The following ELP2 variants were observed in gnomAD, a reference collection of about 807,000 sequenced individuals.
ELP2 encodes the protein elongator acetyltransferase complex subunit 2, also known as elongator complex protein 2.
In ELP2, 90 loss-of-function variants were observed where a neutral mutation model predicts 119.2. The ratio of observed to expected loss-of-function variants is 0.75; its 90% CI spans 0.64 to 0.90. ELP2 has a LOEUF of 0.90. ELP2 is among the 40% of genes least tolerant of loss of function. The pLI, the probability that ELP2 is intolerant of heterozygous loss-of-function variation, is 0.00. For synonymous variants in ELP2, 339 were observed against 331.0 expected (o/e 1.02, Z -0.26); for missense variants, 921 against 967.8 (o/e 0.95, Z 0.64).
intron 3 of ELP2, among the ~76,000 whole-genome samples, chr18:36,137,914 A>T (rs1415982002): frequency 6.6e-6 from 1 of 152,050 alleles, no homozygotes; most frequent in Non-Finnish European, 1.5e-5. Context: ...AACTGAAATG[A>T]TGTGCCTCCT....
chr18:36,166,316 A>AG (rs2090895995), intron 18 of ELP2, among the ~76,000 whole-genome samples: 5 of 99,162 alleles, frequency 5.0e-5, no homozygotes, highest in South Asian at 3.6e-4. Flanking sequence ...TTTGTTTTTT[A>AG]GGGTTTTTTT....
At chr18:36,133,989 G>A (rs959596000) in intron 2 of ELP2, among the ~76,000 whole-genome samples, 3 of 134,434 alleles carry the variant, frequency 2.2e-5, no homozygotes, top group Admixed American at 8.6e-5. Context: ...GGCTCACTGC[G>A]AGCTCCGCCT....
rs370651899 is a variant in ELP2, at chr18:36,138,398, T to C, written c.417T>C (p.Val139=). The change falls in exon 4 of 22, where the codon GTT becomes GTC. Residue 139 remains valine (V), a synonymous_variant. Transcript: ENST00000358232. ...TTTCTGCAGCTGCAGATTCTGCTGTTCGACTCTGGTCTAAAAAGGGTCCAG... is the reference window on the plus strand; with the variant it reads ...TTTCTGCAGCTGCAGATTCTGCTGTCCGACTCTGGTCTAAAAAGGGTCCAG... The part of the protein sequence containing the change: ...LIVSAAADSA[V]RLWSKKGPEV... 2 of 1,614,154 alleles carry C rather than the reference T, an allele frequency of 1.2e-6. No homozygotes were observed. Among genetic ancestry groups the C allele is most frequent in the African/African-American group, 2.7e-5 (2 of 75,052 alleles).
intron 19 of ELP2, chr18:36,169,853 A>G: frequency 1.6e-6 from 1 of 615,280 alleles, no homozygotes; most frequent in Non-Finnish European, 2.9e-6. Flanking sequence ...GACCAAGGTG[A>G]GCTCTCGGAG....
intron 10 of ELP2, 79 bp from the exon 11 acceptor site, chr18:36,146,170 CA>C: frequency 6.3e-7 from 1 of 1,587,308 alleles, no homozygotes; most frequent in Non-Finnish European, 8.7e-7. Context: ...GGGAATTTAA[CA>C]GTCTCTGGAA....
rs1201572885 is a variant in ELP2 at position 36,175,349 on chromosome 18, T to C, written c.*708T>C. On this transcript the variant is annotated 3_prime_UTR_variant, in exon 22 of 22. Coordinates refer to ENST00000358232, the MANE Select transcript of ELP2 (RefSeq NM_018255.4). Reference sequence around the variant, plus strand: ...ATTTTATTTTAACATTTTCTATAGATAGCATACCACGCCAAGTGTGCTCTG... The same window carrying C: ...ATTTTATTTTAACATTTTCTATAGACAGCATACCACGCCAAGTGTGCTCTG... 3 of 152,208 alleles carry C rather than the reference T, an allele frequency of 2.0e-5. 1 individual carries two copies. Among genetic ancestry groups the C allele is most frequent in the Non-Finnish European group, 4.4e-5 (3 of 68,050 alleles). 9.4% of individuals were successfully genotyped at this position (152,208 alleles called of 1,614,324 possible).
intron 5 of ELP2, chr18:36,139,766 G>A (rs781073178): frequency 2.0e-4 from 88 of 444,774 alleles, no homozygotes; most frequent in Non-Finnish European, 3.0e-4. Flanking sequence ...CTTTGGTAAT[G>A]CAAATTATTA....
At chr18:36,152,040 C>G (rs1205543661) in intron 11 of ELP2, among the ~76,000 whole-genome samples, 4 of 151,894 alleles carry the variant, frequency 2.6e-5, no homozygotes, top group Non-Finnish European at 2.9e-5. Flanking sequence ...CCTGAGCCAC[C>G]ATGCCCAGCC....
chr18:36,172,670 C>G lies in ELP2; in HGVS notation c.2324+1510C>G, dbSNP rs546201694. Among the ~76,000 whole-genome samples, 6 of 152,250 alleles carry G rather than the reference C, an allele frequency of 3.9e-5. No individual in the cohort carries two copies. In the South Asian group the frequency reaches 1.2e-3, roughly 32 times the overall value. Reference sequence around the variant, plus strand: ...TGAAATTTTCTCTCTTCCTGGGCACCCTTTCCTTCCACTTTGCCTGCCCAC... The same window carrying G: ...TGAAATTTTCTCTCTTCCTGGGCACGCTTTCCTTCCACTTTGCCTGCCCAC... On this transcript the variant is annotated intron_variant, in intron 21 of 21. Coordinates refer to ENST00000358232, the MANE Select transcript of ELP2 (RefSeq NM_018255.4).
chr18:36,151,447 T>G (rs2090397044), intron 11 of ELP2, among the ~76,000 whole-genome samples: 1 of 152,156 alleles, frequency 6.6e-6, no homozygotes, highest in Non-Finnish European at 1.5e-5. Context: ...TTGGCATCCT[T>G]TAATGTTGGG....
In ELP2 at chr18:36,139,463, C is replaced by G. The variant is rs1362053202; in HGVS notation, c.523+591C>G. ...GGTGGAACGAGGCAGGGCCTGGAAG[C>G]CACCAGCCTCTCTCGCCCTCTGTAG... is the stretch of plus-strand genomic sequence containing the variant. On this transcript the variant is annotated intron_variant, in intron 5 of 21. Coordinates refer to ENST00000358232, the MANE Select transcript of ELP2 (RefSeq NM_018255.4). The G allele has an allele frequency of 4.6e-6, 7 of 1,535,658 alleles. No individual in the cohort carries two copies. In the South Asian group the frequency reaches 7.1e-5, roughly 16 times the overall value.
At chr18:36,161,430 G>T (rs2090736582) in intron 17 of ELP2, among the ~76,000 whole-genome samples, 1 of 152,088 alleles carries the variant, frequency 6.6e-6, no homozygotes, top group Admixed American at 6.6e-5. Flanking sequence ...CTAAAAATTT[G>T]ATGAATTTTA....
Position 36,177,257 on chromosome 18 carries a change from T to C in ELP2, c.*2616T>C, listed in dbSNP as rs1370675677. 1 of 152,206 alleles carries C rather than the reference T, an allele frequency of 6.6e-6. No individual in the cohort carries two copies. Among genetic ancestry groups the C allele is most frequent in the African/African-American group, 2.4e-5 (1 of 41,438 alleles). 9.4% of individuals were successfully genotyped at this position (152,206 alleles called of 1,614,324 possible). A position where few individuals can be genotyped will look rare whatever the true frequency, so the allele number is the denominator to read the frequency against. On this transcript the variant is annotated 3_prime_UTR_variant, in exon 22 of 22. Coordinates refer to ENST00000358232, the MANE Select transcript of ELP2 (RefSeq NM_018255.4). Reference sequence around the variant, plus strand: ...CAGTAGCTAAGAGATGGAAGCAATATGTGCCCATCAGTGGGTGAATGATCA... The same window carrying C: ...CAGTAGCTAAGAGATGGAAGCAATACGTGCCCATCAGTGGGTGAATGATCA...
chr18:36,169,899 C>G (rs1030639296), intron 19 of ELP2, 164 bp from the exon 20 acceptor site: 11 of 900,116 alleles, frequency 1.2e-5, no homozygotes, highest in Non-Finnish European at 1.7e-5. Context: ...CTTTCTGATG[C>G]TTGAAATGCT....
chr18:36,130,415 T>C (rs1391807985), intron 1 of ELP2, among the ~76,000 whole-genome samples: 7 of 152,234 alleles, frequency 4.6e-5, no homozygotes, highest in Non-Finnish European at 7.3e-5. Flanking sequence ...ACAATTGAAA[T>C]TTATATGTAG....
At position 36,180,054 on chromosome 18, in the gene ELP2, G is replaced by A. The variant is rs1486789092; in HGVS notation, c.*5413G>A. The A allele has an allele frequency of 6.6e-6, 1 of 152,256 alleles. No individual in the cohort carries two copies. Among genetic ancestry groups the A allele is most frequent in the East Asian group, 1.9e-4 (1 of 5,196 alleles). The allele number at this position is 152,256 out of a possible 1,614,324, so 9.4% of individuals were successfully genotyped here. ...TTTCTCTCATATGAAAGGAGTCAAG[G>A]CAGACAGACCAGGATGGGGAGGGAG... On this transcript the variant is annotated 3_prime_UTR_variant, in exon 22 of 22. Transcript: ENST00000358232.
chr18:36,130,854 G>A (rs1456716228), intron 1 of ELP2, among the ~76,000 whole-genome samples: 1 of 152,094 alleles, frequency 6.6e-6, no homozygotes, highest in Non-Finnish European at 1.5e-5. Flanking sequence ...CTGTTCATAC[G>A]GCTTTATTAA....
intron 11 of ELP2, among the ~76,000 whole-genome samples, chr18:36,147,884 A>C (rs1163458519): frequency 6.6e-6 from 1 of 152,110 alleles, no homozygotes; most frequent in African/African-American, 2.4e-5. Flanking sequence ...ATTGCAAAGG[A>C]AACAGAAGCA....
intron 21 of ELP2, among the ~76,000 whole-genome samples, chr18:36,173,832 G>T (rs1345593886): frequency 6.6e-6 from 1 of 152,132 alleles, no homozygotes; most frequent in African/African-American, 2.4e-5. Context: ...ATTTATAGAA[G>T]ATGTTGTATT....
Sources: allele counts gnomAD v4.1 joint callset (sites outside exome capture counted in the v4.1 genomes callset), GRCh38; gene constraint gnomAD v4.1.1; transcripts MANE v1.5; gene names NCBI Gene and HGNC (gene_info 2026-07-23, HGNC 2026-07-21).